The following SEMA3A variants were observed in gnomAD, a reference collection of about 807,000 sequenced individuals.
SEMA3A encodes the protein semaphorin-3A.
Under a neutral mutation model 97.9 loss-of-function variants are expected in SEMA3A, and 29 were observed. The ratio of observed to expected loss-of-function variants is 0.30; its 90% confidence interval spans 0.22 to 0.40. The LOEUF is 0.40. SEMA3A is among the 10% of genes least tolerant of loss of function. The pLI, the probability that SEMA3A is intolerant of heterozygous loss-of-function variation, is 1.00. For synonymous variants in SEMA3A, 321 were observed against 323.7 expected (o/e 0.99, Z 0.09); for missense variants, 763 against 951.3 (o/e 0.80, Z 2.60).
At chr7:84,223,035 A>C (rs1440590224) in intron 3 of SEMA3A, among the ~76,000 whole-genome samples, 1 of 151,932 alleles carries the variant, frequency 6.6e-6, no homozygotes, top group Non-Finnish European at 1.5e-5. Context: ...GGTACAACAA[A>C]TATTGTATAG....
intron 3 of SEMA3A, among the ~76,000 whole-genome samples, chr7:84,271,657 A>T (rs1236975511): frequency 1.3e-5 from 2 of 152,056 alleles, no homozygotes; most frequent in Non-Finnish European, 2.9e-5. Context: ...AGACAATCCT[A>T]AGCAATCTTA....
intron 3 of SEMA3A, among the ~76,000 whole-genome samples, chr7:84,264,308 A>C (rs1332815126): frequency 6.6e-6 from 1 of 152,186 alleles, no homozygotes; most frequent in African/African-American, 2.4e-5. Flanking sequence ...GTAACCTAAA[A>C]CAAACTACTT....
intron 2 of SEMA3A, among the ~76,000 whole-genome samples, chr7:84,361,682 C>T (rs1403405857): frequency 6.6e-6 from 1 of 151,966 alleles, no homozygotes; most frequent in Non-Finnish European, 1.5e-5. Flanking sequence ...AGACAAGGAA[C>T]TTAAGCCTTC....
chr7:84,111,843 GA>G (rs1366029437), intron 3 of SEMA3A, among the ~76,000 whole-genome samples: 1 of 152,074 alleles, frequency 6.6e-6, no homozygotes, highest in African/African-American at 2.4e-5. Flanking sequence ...TTGTTATGAG[GA>G]AAAATTTCCT....
At chr7:84,474,552 T>TA (rs1391761027) in intron 1 of SEMA3A, among the ~76,000 whole-genome samples, 2 of 152,122 alleles carry the variant, frequency 1.3e-5, no homozygotes, top group Admixed American at 1.3e-4. Flanking sequence ...TAGGTAGGTG[T>TA]AATGAGGAAG....
rs368814005 is a variant in SEMA3A at position 84,437,916 on chromosome 7, A to G, written c.-246+54544T>C. Among the ~76,000 whole-genome samples, 7 of 152,118 alleles carry G rather than the reference A, an allele frequency of 4.6e-5. 1 individual carries two copies. The highest frequency in any genetic ancestry group is 1.3e-4 in the Admixed American group (2 of 15,268). On this transcript the variant is annotated intron_variant, in intron 1 of 3. Coordinates refer to the SEMA3A transcript ENST00000424555. ...CCGATATGGCACTAATTACTCCCCTACAAGCCTCAGCTGATTTTTTAAAAA... is the reference window on the plus strand; with the variant it reads ...CCGATATGGCACTAATTACTCCCCTGCAAGCCTCAGCTGATTTTTTAAAAA...
chr7:84,215,830 T>G (rs768166505), intron 3 of SEMA3A, among the ~76,000 whole-genome samples: 25 of 152,146 alleles, frequency 1.6e-4, no homozygotes, highest in Non-Finnish European at 3.2e-4. Context: ...AAACAAATAT[T>G]ATTTTTCTAG....
At chr7:84,199,236 A>C (rs1296867933), upstream of SEMA3A, among the ~76,000 whole-genome samples, 2 of 152,212 alleles carry the variant, frequency 1.3e-5, no homozygotes, top group African/African-American at 4.8e-5. Flanking sequence ...GATGTATTTC[A>C]AAGATTTAGT....
At chr7:84,260,734 G>T (rs13230582) in intron 3 of SEMA3A, among the ~76,000 whole-genome samples, 8,743 of 152,276 alleles carry the variant, frequency 0.057, 291 homozygotes, top group African/African-American at 0.096. Context: ...CCAAGGGGGG[G>T]ACTGAGGGAG....
chr7:84,107,002 A>G (rs188161335), intron 4 of SEMA3A, among the ~76,000 whole-genome samples: 10 of 152,320 alleles, frequency 6.6e-5, no homozygotes, highest in Admixed American at 1.3e-4. Context: ...ATAGCAAAGT[A>G]CACACACAAT....
chr7:84,417,434 T>A (rs1415381572), intron 1 of SEMA3A, among the ~76,000 whole-genome samples: 1 of 151,998 alleles, frequency 6.6e-6, no homozygotes, highest in East Asian at 1.9e-4. Context: ...TCTGAAAAAA[T>A]AAACTGATAA....
chr7:84,262,116 AT>A (rs1799870968), intron 3 of SEMA3A, among the ~76,000 whole-genome samples: 6 of 151,318 alleles, frequency 4.0e-5, no homozygotes, highest in African/African-American at 1.5e-4. Flanking sequence ...TTTTTATCAT[AT>A]TACTGCTTTA....
chr7:84,081,294 A>G lies in SEMA3A; in HGVS notation c.454-20736T>C, dbSNP rs1455697806. On this transcript the variant is annotated intron_variant, in intron 4 of 16. Coordinates refer to ENST00000265362, the MANE Select transcript of SEMA3A (RefSeq NM_006080.3). Reference sequence around the variant, plus strand: ...TATTGAATTTAAAAAACTGGTAAAAATTTCCCAAGCTTGTAGGGCCGGGCG... The same window carrying G: ...TATTGAATTTAAAAAACTGGTAAAAGTTTCCCAAGCTTGTAGGGCCGGGCG... Among the ~76,000 whole-genome samples the G allele has an allele frequency of 2.0e-5, 3 of 151,956 alleles. No individual in the cohort carries two copies. The East Asian group carries it at 5.8e-4, about 29-fold the overall frequency.
intron 2 of SEMA3A, among the ~76,000 whole-genome samples, chr7:84,353,174 T>C (rs1384728134): frequency 6.6e-6 from 1 of 151,780 alleles, no homozygotes; most frequent in African/African-American, 2.4e-5. Context: ...TAGAAAATAA[T>C]GACAAGAAAA....
At chr7:84,202,658 T>C (rs1028683237) in intron 3 of SEMA3A, among the ~76,000 whole-genome samples, 2 of 152,204 alleles carry the variant, frequency 1.3e-5, no homozygotes, top group Non-Finnish European at 2.9e-5. Flanking sequence ...CTGGTAACCA[T>C]TGAAAACATT....
chr7:84,239,161 G>T (rs979672008), intron 3 of SEMA3A, among the ~76,000 whole-genome samples: 1 of 152,106 alleles, frequency 6.6e-6, no homozygotes, highest in Admixed American at 6.5e-5. Context: ...TAGTCTGCAA[G>T]ATTTCATGAT....
At chr7:84,164,679 A>T (rs56663012) in intron 1 of SEMA3A, among the ~76,000 whole-genome samples, 9,736 of 152,202 alleles carry the variant, frequency 0.064, 666 homozygotes, top group African/African-American at 0.17. Flanking sequence ...TTATGTATAA[A>T]TTGCATGTAG....
chr7:84,033,873 G>A (rs558705764), intron 6 of SEMA3A, among the ~76,000 whole-genome samples: 11 of 151,918 alleles, frequency 7.2e-5, no homozygotes, highest in Admixed American at 5.2e-4. Flanking sequence ...TAGTAGCAGG[G>A]GTCTATACAA....
chr7:84,080,195 A>C (rs573641564), intron 4 of SEMA3A, among the ~76,000 whole-genome samples: 10 of 87,156 alleles, frequency 1.1e-4, no homozygotes, highest in African/African-American at 4.6e-4. Context: ...CACTCTGGGG[A>C]CTGTTGTGGG....
Sources: gnomAD v4.1 joint callset for allele counts (sites outside exome capture counted in the v4.1 genomes callset) on GRCh38, gnomAD v4.1.1 for gene constraint, MANE v1.5 for transcripts, NCBI Gene and HGNC (gene_info 2026-07-23, HGNC 2026-07-21) for gene names.